Variants in ZNF385D observed in about 807,000 individuals in gnomAD.
ZNF385D encodes zinc finger protein 385D, also known as zinc finger protein 659.
ZNF385D carries 15 observed loss-of-function variants against 35.8 expected under a neutral mutation model. The observed-to-expected ratio is 0.42, with a 90% confidence interval of 0.28 to 0.64. ZNF385D has a LOEUF of 0.64. ZNF385D is among the 30% of genes least tolerant of loss of function. The pLI is 0.23. For missense variants in ZNF385D, 474 were observed against 494.6 expected, an observed-to-expected ratio of 0.96 and a Z score of 0.39; for synonymous variants, 212 against 186.8, an observed-to-expected ratio of 1.13 and a Z score of -1.10.
chr3:21,806,799 G>A (rs1027746836), intron 3 of ZNF385D, among the ~76,000 whole-genome samples: 2 of 152,186 alleles, frequency 1.3e-5, no homozygotes, highest in Non-Finnish European at 2.9e-5. Flanking sequence ...ACAAACTCCT[G>A]AACCTTCTTG....
At chr3:21,696,149 G>A (rs569164147) in intron 1 of ZNF385D, among the ~76,000 whole-genome samples, 29 of 152,304 alleles carry the variant, frequency 1.9e-4, no homozygotes, top group African/African-American at 7.0e-4. Context: ...TTCCTCTGAA[G>A]TGTTTTCAGA....
chr3:21,920,076 T>G lies in ZNF385D; in HGVS notation c.325+248741A>C, dbSNP rs368782832. On this transcript the variant is annotated intron_variant, in intron 3 of 5. Transcript: ENST00000494108. ...AATCTAGCCAAAGTATATTTTGGTA[T>G]AGTGGTTTTTAAATTTTTAAATGGT... 5.9e-5 allele frequency among the ~76,000 whole-genome samples: 9 copies of G among 152,330 alleles called. No homozygotes were observed. In the South Asian group the frequency reaches 1.9e-3, roughly 32 times the overall value.
At chr3:21,860,571 C>T (rs1696992705) in intron 3 of ZNF385D, among the ~76,000 whole-genome samples, 1 of 152,142 alleles carries the variant, frequency 6.6e-6, no homozygotes. Flanking sequence ...CTGCCACTGC[C>T]AACATGAAAG....
At chr3:21,832,816 G>A (rs1695083265) in intron 3 of ZNF385D, among the ~76,000 whole-genome samples, 1 of 152,040 alleles carries the variant, frequency 6.6e-6, no homozygotes, top group Non-Finnish European at 1.5e-5. Flanking sequence ...CTGATTCTAT[G>A]AGCTCTACTC....
At chr3:21,957,010 T>C (rs77850180) in intron 3 of ZNF385D, 2,588 of 152,264 alleles carry the variant, frequency 0.017, 58 homozygotes, top group East Asian at 0.07. Context: ...GGGGGCATAA[T>C]TGAATCATGG....
chr3:22,213,546 T>C (rs57643433), intron 2 of ZNF385D, among the ~76,000 whole-genome samples: 1,555 of 152,158 alleles, frequency 0.01, 17 homozygotes, highest in African/African-American at 0.028. Context: ...AAGCACAGGA[T>C]AAACACTCTA....
Position 21,917,533 on chromosome 3 carries a change from T to C in ZNF385D, c.325+251284A>G, listed in dbSNP as rs532785517. ...AGTGGAAAGCATTAGAATAGAGACCTACTGGTCTCATATGCTATGACATGA... is the reference window on the plus strand; with the variant it reads ...AGTGGAAAGCATTAGAATAGAGACCCACTGGTCTCATATGCTATGACATGA... On this transcript the variant is annotated intron_variant, in intron 3 of 5. Coordinates refer to the ZNF385D transcript ENST00000494108. Among the ~76,000 whole-genome samples the C allele has an allele frequency of 1.1e-4, 17 of 152,342 alleles. No homozygotes were observed. In the South Asian group the frequency reaches 3.3e-3, roughly 30 times the overall value.
chr3:21,467,426 T>C (rs1386919605), intron 4 of ZNF385D, among the ~76,000 whole-genome samples: 6 of 152,212 alleles, frequency 3.9e-5, no homozygotes, highest in Non-Finnish European at 8.8e-5. Context: ...TACTGATGCA[T>C]GCAGATTTTA....
chr3:22,275,272 A>G (rs10446446), intron 2 of ZNF385D, among the ~76,000 whole-genome samples: 6,768 of 152,222 alleles, frequency 0.044, 200 homozygotes, highest in African/African-American at 0.076. Flanking sequence ...AAAGAAATTA[A>G]TCAAAGATTC....
At chr3:22,065,774 A>C (rs1175996512) in intron 3 of ZNF385D, among the ~76,000 whole-genome samples, 2 of 152,224 alleles carry the variant, frequency 1.3e-5, no homozygotes, top group Non-Finnish European at 2.9e-5. Flanking sequence ...TCATGACTTA[A>C]GGGCACCAGT....
chr3:21,744,302 G>A (rs1169002049), intron 1 of ZNF385D, among the ~76,000 whole-genome samples: 1 of 152,172 alleles, frequency 6.6e-6, no homozygotes, highest in Non-Finnish European at 1.5e-5. Flanking sequence ...GTTTATTAAA[G>A]TACATTTACA....
At chr3:21,530,290 A>G (rs2061892605) in intron 3 of ZNF385D, among the ~76,000 whole-genome samples, 1 of 152,198 alleles carries the variant, frequency 6.6e-6, no homozygotes, top group African/African-American at 2.4e-5. Context: ...CTTCACAGCA[A>G]TGCAAAATGG....
chr3:21,774,453 A>G (rs763742079), intron 3 of ZNF385D, among the ~76,000 whole-genome samples: 1 of 151,926 alleles, frequency 6.6e-6, no homozygotes, highest in Non-Finnish European at 1.5e-5. Context: ...ATCAAAAACA[A>G]AACAAAACAG....
At chr3:21,632,593 C>T (rs1241272287) in intron 2 of ZNF385D, among the ~76,000 whole-genome samples, 1 of 152,120 alleles carries the variant, frequency 6.6e-6, no homozygotes, top group African/African-American at 2.4e-5. Context: ...GTGTTTTGCT[C>T]TGGGAGATTG....
At chr3:22,146,219 C>T (rs1033160952) in intron 3 of ZNF385D, among the ~76,000 whole-genome samples, 1 of 152,134 alleles carries the variant, frequency 6.6e-6, no homozygotes, top group Non-Finnish European at 1.5e-5. Context: ...TAGGATTTCA[C>T]CTCACAGTTC....
At chr3:22,228,732 C>G (rs2125293534) in intron 2 of ZNF385D, among the ~76,000 whole-genome samples, 1 of 152,270 alleles carries the variant, frequency 6.6e-6, no homozygotes, top group African/African-American at 2.4e-5. Context: ...CAGACCCACT[C>G]TCAATCTGGG....
At chr3:22,143,338 C>A (rs1040535877) in intron 3 of ZNF385D, among the ~76,000 whole-genome samples, 1 of 152,088 alleles carries the variant, frequency 6.6e-6, no homozygotes, top group Non-Finnish European at 1.5e-5. Flanking sequence ...CCCGCCTCGG[C>A]CTCCCAAAGC....
intron 3 of ZNF385D, among the ~76,000 whole-genome samples, chr3:22,013,844 C>G (rs557456821): frequency 1.3e-3 from 191 of 152,164 alleles, no homozygotes; most frequent in African/African-American, 4.4e-3. Flanking sequence ...ACCCCCTCCC[C>G]CTCCCAAAAT....
At chr3:21,939,519 T>A (rs1559773485) in intron 3 of ZNF385D, among the ~76,000 whole-genome samples, 1 of 152,176 alleles carries the variant, frequency 6.6e-6, no homozygotes, top group Admixed American at 6.5e-5. Flanking sequence ...AAATTATAAG[T>A]TGCATTGTAT....
Sources: allele counts gnomAD v4.1 joint callset (sites outside exome capture counted in the v4.1 genomes callset), GRCh38; gene constraint gnomAD v4.1.1; transcripts MANE v1.5; gene names NCBI Gene and HGNC (gene_info 2026-07-23, HGNC 2026-07-21).